Variants in DKC1 observed in about 807,000 individuals in gnomAD.
DKC1 encodes H/ACA ribonucleoprotein complex subunit DKC1.
In DKC1, 4 loss-of-function variants were observed where a neutral mutation model predicts 46.7. The ratio of observed to expected loss-of-function variants is 0.09; its 90% CI spans 0.04 to 0.20. The LOEUF is 0.20. DKC1 is among the 10% of genes least tolerant of loss of function. The pLI is 1.00. For missense variants in DKC1, 171 were observed against 404.2 expected (o/e 0.42, Z 4.95); for synonymous variants, 141 against 142.4 (o/e 0.99, Z 0.07).
At chrX:154,776,663 G>C in intron 14 of DKC1, 136 bp from the exon 15 acceptor site, 1 of 657,423 alleles carries the variant, frequency 1.5e-6, no homozygotes, top group Non-Finnish European at 2.5e-6. Context: ...GTCACATGCA[G>C]CATTTAACCC....
intron 1 of DKC1, 96 bp downstream of exon 1, chrX:154,763,077 G>C (rs1603429326): frequency 1.9e-6 from 2 of 1,030,726 alleles, no homozygotes; most frequent in East Asian, 6.7e-5. Context: ...CCTCCCTCTG[G>C]TTCCCGCCGG....
rs781915787 is a variant in DKC1 at position 154,773,168 on chromosome X, C to T, written c.1074C>T (p.Cys358=). The change falls in exon 11 of 15, where the codon TGC becomes TGT. Residue 358 remains cysteine, a synonymous_variant. Coordinates refer to ENST00000369550, the MANE Select transcript of DKC1 (RefSeq NM_001363.5). ...ALMTTAVIST[C]DHGIVAKIKR... is the part of the protein sequence containing the mutation. ...TGACCACAGCGGTCATCTCTACCTG[C>T]GACCATGGTATAGTAGCCAAGATCA... The T allele has an allele frequency of 1.3e-5, 16 of 1,205,944 alleles. No homozygotes were observed. The highest frequency in any genetic ancestry group is 8.9e-5 in the East Asian group (3 of 33,716).
rs782311179 is a variant in DKC1 at position 154,767,461 on chromosome X, A to C, written c.640+79A>C. 2.7e-6 allele frequency: 3 copies of C among 1,120,162 alleles called. No individual in the cohort carries two copies. The South Asian group carries it at 5.5e-5, about 21-fold the overall frequency. 92.3% of individuals were successfully genotyped at this position (1,120,162 alleles called of 1,213,427 possible). On this transcript the variant is annotated intron_variant, in intron 7 of 14. Coordinates refer to ENST00000369550, the MANE Select transcript of DKC1 (RefSeq NM_001363.5). ...TCTTATTAAAAGTAGATGCCCTTGA[A>C]GTTGAAGACTTTCTAAAACCTGCCC... is the stretch of plus-strand genomic sequence containing the variant.
chrX:154,764,128 C>G (rs1311731070), intron 1 of DKC1, among the ~76,000 whole-genome samples: 2 of 107,519 alleles, frequency 1.9e-5, no homozygotes, highest in Non-Finnish European at 3.8e-5. Flanking sequence ...CCACTGCACT[C>G]CAGCCTGGGG....
In DKC1 at chrX:154,775,294, A is replaced by G. The variant is rs1789117011; in HGVS notation, c.1338+21A>G. ...CGAAGGTGAGTGGCATGCTGTCCTC[A>G]GTTTGGAATGTGCTTAGGGAGATAA... On this transcript the variant is annotated intron_variant, in intron 13 of 14. Coordinates refer to ENST00000369550, the MANE Select transcript of DKC1 (RefSeq NM_001363.5). 4 of 1,194,448 alleles carry G rather than the reference A, an allele frequency of 3.3e-6. No individual in the cohort carries two copies. The African/African-American group carries it at 5.2e-5, about 16-fold the overall frequency.
chrX:154,776,768 ATCTGTGAGCTT>A lies in DKC1; in HGVS notation c.1477-28_1477-18del. 2.5e-6 allele frequency: 3 copies of A among 1,180,718 alleles called. No homozygotes were observed. The highest frequency in any genetic ancestry group is 3.5e-6 in the Non-Finnish European group (3 of 868,815). On this transcript the variant is annotated intron_variant, in intron 14 of 14. Coordinates refer to ENST00000369550, the MANE Select transcript of DKC1 (RefSeq NM_001363.5). ...AGTCATAGCTTTGTTAGTGGATGGT[ATCTGTGAGCTT>A]TCATTCTCTTTCTTTCTAGGACAGT...
intron 1 of DKC1, 70 bp downstream of exon 1, chrX:154,763,051 T>G: frequency 9.1e-7 from 1 of 1,101,595 alleles, no homozygotes. Context: ...GGGGATGGTA[T>G]CGGGGCCCGC....
intron 13 of DKC1, 134 bp downstream of exon 13, chrX:154,775,407 G>T (rs2071884158): frequency 3.2e-6 from 2 of 633,642 alleles, no homozygotes; most frequent in East Asian, 3.5e-5. Context: ...CGCATACACA[G>T]GTAATGCTGC....
intron 7 of DKC1, 38 bp downstream of exon 7, chrX:154,767,420 C>G: frequency 2.5e-6 from 3 of 1,203,202 alleles, no homozygotes; most frequent in Non-Finnish European, 3.4e-6. Flanking sequence ...TGAACACATT[C>G]TTCAGGATTC....
At chrX:154,764,201 A>G (rs1399246553) in intron 1 of DKC1, among the ~76,000 whole-genome samples, 5 of 107,838 alleles carry the variant, frequency 4.6e-5, no homozygotes, top group Admixed American at 1.0e-4. Context: ...GTGTGTATAT[A>G]TGTATATTAT....
rs374799227 is a variant in DKC1, at chrX:154,766,367, G to A, written c.415G>A (p.Ala139Thr). The A allele has an allele frequency of 4.6e-5, 55 of 1,208,664 alleles. No individual in the cohort carries two copies. Among genetic ancestry groups the A allele is most frequent in the Non-Finnish European group, 5.9e-5 (53 of 894,914 alleles). Residue 139 changes from alanine (A) to threonine (T), a missense_variant, in exon 5 of 15, where the codon GCC becomes ACC. Ala to Thr is a moderately conservative substitution (Grantham distance 58). This residue lies in a region of DKC1 where 41 missense variants were observed against 117.3 expected (regional missense o/e 0.35). Coordinates refer to ENST00000369550, the MANE Select transcript of DKC1 (RefSeq NM_001363.5). Reference protein sequence around the residue: ...TGCLIVCIERATRLVKSQQSA... With the variant: ...TGCLIVCIERTTRLVKSQQSA... ...TTGTTTAATCGTGTGCATAGAACGAGCCACTCGCTTGGTGAAGTCACAACA... is the reference window on the plus strand; with the variant it reads ...TTGTTTAATCGTGTGCATAGAACGAACCACTCGCTTGGTGAAGTCACAACA...
At chrX:154,774,102 A>G (rs1331002618) in intron 11 of DKC1, among the ~76,000 whole-genome samples, 1 of 111,855 alleles carries the variant, frequency 8.9e-6, no homozygotes, top group Non-Finnish European at 1.9e-5. Flanking sequence ...GGCCTTAGAG[A>G]TTTCAGTCTA....
chrX:154,766,485 T>A, intron 5 of DKC1, 85 bp downstream of exon 5: 1 of 931,551 alleles, frequency 1.1e-6, no homozygotes, highest in Non-Finnish European at 1.5e-6. Flanking sequence ...GGAAACTATT[T>A]CTTCATTAAG....
At chrX:154,773,972 G>A (rs2071862749) in intron 11 of DKC1, among the ~76,000 whole-genome samples, 2 of 111,617 alleles carry the variant, frequency 1.8e-5, no homozygotes, top group African/African-American at 6.5e-5. Flanking sequence ...GGCGGCTCCT[G>A]CCAGGTTCTT....
In DKC1 at chrX:154,777,008, C is replaced by T; in HGVS notation, c.*141C>T. 2.1e-6 allele frequency: 1 copy of T among 473,767 alleles called. No individual in the cohort carries two copies. The highest frequency in any genetic ancestry group is 3.6e-6 in the Non-Finnish European group (1 of 274,158). 39.0% of individuals were successfully genotyped at this position (473,767 alleles called of 1,213,427 possible). ...CACATTTTAGCTGCTACTTTGAGAC[C>T]TCGGTGATGTTACCTGGTGTGGTCA... On this transcript the variant is annotated 3_prime_UTR_variant, in exon 15 of 15. Transcript: ENST00000369550.
intron 12 of DKC1, 189 bp from the exon 13 acceptor site, chrX:154,775,006 A>G (rs782605712): frequency 1.7e-6 from 1 of 587,576 alleles, no homozygotes; most frequent in East Asian, 3.2e-5. Context: ...CACGGCAGAC[A>G]GTTATCCCTT....
At chrX:154,764,066 CAGG>C (rs2071715010) in intron 1 of DKC1, among the ~76,000 whole-genome samples, 1 of 108,404 alleles carries the variant, frequency 9.2e-6, no homozygotes, top group South Asian at 4.0e-4. Flanking sequence ...GAGGCTGAGG[CAGG>C]AGAATTGCTT....
Position 154,770,860 on chromosome X carries a change from A to G in DKC1, c.1017A>G (p.Lys339=). 8.3e-7 allele frequency: 1 copy of G among 1,211,819 alleles called. No individual in the cohort carries two copies. The highest frequency in any genetic ancestry group is 1.1e-6 in the Non-Finnish European group (1 of 895,280). Residue 339 remains lysine (K), a synonymous_variant, in exon 10 of 15, where the codon AAA becomes AAG. Coordinates refer to ENST00000369550, the MANE Select transcript of DKC1 (RefSeq NM_001363.5). The part of the protein sequence containing the change: ...VNQEIVVITT[K]GEAICMAIAL... ...AGGAGATTGTGGTTATCACCACCAA[A>G]GGAGAAGCAATCTGCATGGGTAAGA...
Position 154,776,958 on chromosome X carries a change from T to C in DKC1, c.*91T>C, listed in dbSNP as rs2071907910. Reference sequence around the variant, plus strand: ...TGTTGCTGAGAGAGTGGAACATAGGTCCTAGACAGGGTGAAGAGTTCTGGC... The same window carrying C: ...TGTTGCTGAGAGAGTGGAACATAGGCCCTAGACAGGGTGAAGAGTTCTGGC... On this transcript the variant is annotated 3_prime_UTR_variant, in exon 15 of 15. Transcript: ENST00000369550. The C allele has an allele frequency of 1.3e-6, 1 of 796,442 alleles. No individual in the cohort carries two copies. Among genetic ancestry groups the C allele is most frequent in the Admixed American group, 2.8e-5 (1 of 35,983 alleles). The allele number at this position is 796,442 out of a possible 1,213,427, so 65.6% of individuals were successfully genotyped here. A position where few individuals can be genotyped will look rare whatever the true frequency, so the allele number is the denominator to read the frequency against.
Sources: gnomAD v4.1 joint callset for allele counts (sites outside exome capture counted in the v4.1 genomes callset) on GRCh38, gnomAD v4.1.1 for gene constraint, gnomAD v4.1.1 regional missense constraint, MANE v1.5 for transcripts, NCBI Gene and HGNC (gene_info 2026-07-23, HGNC 2026-07-21) for gene names.